NARS2: variants seen among roughly 807,000 people sequenced by gnomAD.
NARS2 encodes the protein asparaginyl-tRNA synthetase 2, mitochondrial.
Under a neutral mutation model 62.9 loss-of-function variants are expected in NARS2, and 60 were observed. The ratio of observed to expected loss-of-function variants is 0.95; its 90% CI spans 0.77 to 1.18. The LOEUF is 1.18. Among genes scored for constraint, NARS2 ranks in the 50% most tolerant of loss-of-function variants. The probability of loss-of-function intolerance (pLI) is 0.00; values close to 1 mark genes in which losing one functional copy is unlikely to be tolerated. For synonymous variants in NARS2, 196 were observed against 200.0 expected (o/e 0.98, Z 0.17); for missense variants, 619 against 576.4 (o/e 1.07, Z -0.76).
chr11:78,455,355 T>A (rs1433469503), intron 11 of NARS2, among the ~76,000 whole-genome samples: 1 of 152,238 alleles, frequency 6.6e-6, no homozygotes, highest in African/African-American at 2.4e-5. Flanking sequence ...AAACCTGTGA[T>A]GATACAAGTG....
chr11:78,551,679 C>T (rs565478897), intron 5 of NARS2, among the ~76,000 whole-genome samples: 17 of 152,034 alleles, frequency 1.1e-4, no homozygotes, highest in African/African-American at 3.9e-4. Context: ...GGTGAAATCC[C>T]GTCTCTACTA....
chr11:78,573,652 G>A (rs1388803192), intron 1 of NARS2: 2 of 152,250 alleles, frequency 1.3e-5, no homozygotes, highest in African/African-American at 4.8e-5. Flanking sequence ...ATCAGCAAGA[G>A]AAACAATAGC....
chr11:78,437,510 C>A (rs1319097105), intron 13 of NARS2, among the ~76,000 whole-genome samples: 1 of 152,180 alleles, frequency 6.6e-6, no homozygotes, highest in African/African-American at 2.4e-5. Flanking sequence ...CACGCACATT[C>A]TTTTCCCACT....
intron 5 of NARS2, among the ~76,000 whole-genome samples, chr11:78,552,443 G>A (rs1345603218): frequency 1.3e-5 from 2 of 152,114 alleles, no homozygotes; most frequent in Non-Finnish European, 2.9e-5. Flanking sequence ...GAACAGTGAG[G>A]CAATGAACAT....
intron 11 of NARS2, among the ~76,000 whole-genome samples, chr11:78,461,885 A>T (rs1168490204): frequency 6.6e-6 from 1 of 152,094 alleles, no homozygotes; most frequent in Non-Finnish European, 1.5e-5. Context: ...CCCGGGAGAC[A>T]GAGGGTGCAA....
chr11:78,562,857 CCCA>C (rs1856601005), intron 4 of NARS2, among the ~76,000 whole-genome samples: 1 of 152,138 alleles, frequency 6.6e-6, no homozygotes, highest in Non-Finnish European at 1.5e-5. Context: ...CCATTTTTCC[CCCA>C]CATTTCTATA....
intron 5 of NARS2, among the ~76,000 whole-genome samples, chr11:78,536,529 C>G (rs1447147570): frequency 6.6e-6 from 1 of 150,836 alleles, no homozygotes; most frequent in South Asian, 2.1e-4. Context: ...TAGTTTTTAA[C>G]AAAAATGTAT....
chr11:78,536,358 A>G (rs774043287), intron 5 of NARS2, among the ~76,000 whole-genome samples: 4 of 152,236 alleles, frequency 2.6e-5, no homozygotes, highest in Non-Finnish European at 5.9e-5. Flanking sequence ...GAGGTATTCT[A>G]GAAGAAGGCA....
intron 11 of NARS2, among the ~76,000 whole-genome samples, chr11:78,444,280 T>C (rs76960556): frequency 0.012 from 1,820 of 152,304 alleles, 25 homozygotes; most frequent in African/African-American, 0.042. Context: ...AAGGTGTGTA[T>C]ATTTTTGTCT....
chr11:78,521,517 G>A (rs56027942), intron 6 of NARS2, among the ~76,000 whole-genome samples: 14,905 of 151,936 alleles, frequency 0.098, 2,354 homozygotes, highest in African/African-American at 0.33. Flanking sequence ...GGGGCCGGGC[G>A]CGGTGGCTCA....
intron 5 of NARS2, among the ~76,000 whole-genome samples, chr11:78,535,722 C>G (rs74789212): frequency 6.6e-6 from 1 of 151,964 alleles, no homozygotes; most frequent in South Asian, 2.1e-4. Flanking sequence ...CTCTGCCCCG[C>G]CAGGTTCAAG....
intron 11 of NARS2, among the ~76,000 whole-genome samples, chr11:78,462,401 A>G (rs1858435324): frequency 6.6e-6 from 1 of 152,232 alleles, no homozygotes; most frequent in South Asian, 2.1e-4. Context: ...TACATCAATT[A>G]TGTTGCTCAC....
rs557545556 is a variant in NARS2 at position 78,486,204 on chromosome 11, T to C, written c.822+6859A>G. ...ATTTTTTTTTAAATATTTTCTCTTG[T>C]CAGTTAGACCCAATGGTGGCCACAG... On this transcript the variant is annotated intron_variant, in intron 7 of 13. Transcript: ENST00000281038. 2.4e-3 allele frequency among the ~76,000 whole-genome samples: 364 copies of C among 152,162 alleles called. 2 individuals are homozygous for C. Among genetic ancestry groups the C allele is most frequent in the African/African-American group, 8.4e-3 (348 of 41,538 alleles).
intron 6 of NARS2, among the ~76,000 whole-genome samples, chr11:78,525,226 T>G (rs1004291469): frequency 1.3e-5 from 2 of 152,146 alleles, no homozygotes; most frequent in Non-Finnish European, 2.9e-5. Flanking sequence ...GTATGTCATC[T>G]GTCCAAAAGC....
intron 6 of NARS2, among the ~76,000 whole-genome samples, chr11:78,517,835 T>A (rs953768887): frequency 6.6e-6 from 1 of 152,244 alleles, no homozygotes; most frequent in Non-Finnish European, 1.5e-5. Flanking sequence ...TCCTCATTTA[T>A]ACCGATAGTC....
intron 6 of NARS2, among the ~76,000 whole-genome samples, chr11:78,523,822 G>A (rs1178714038): frequency 6.6e-6 from 1 of 152,110 alleles, no homozygotes; most frequent in Non-Finnish European, 1.5e-5. Flanking sequence ...GCAAAGAAGA[G>A]GATAGGGAGT....
chr11:78,544,968 A>G (rs906006541), intron 5 of NARS2, among the ~76,000 whole-genome samples: 8 of 152,108 alleles, frequency 5.3e-5, no homozygotes, highest in Admixed American at 1.3e-4. Flanking sequence ...CATCACAAAT[A>G]GCAAACTGTT....
At chr11:78,458,902 G>A (rs1459108249) in intron 11 of NARS2, among the ~76,000 whole-genome samples, 2 of 151,686 alleles carry the variant, frequency 1.3e-5, no homozygotes, top group Non-Finnish European at 2.9e-5. Context: ...AGATCTGATG[G>A]TGGGTTTTTT....
chr11:78,494,646 C>A (rs1326590493), intron 6 of NARS2, among the ~76,000 whole-genome samples: 3 of 151,904 alleles, frequency 2.0e-5, no homozygotes, highest in African/African-American at 7.3e-5. Flanking sequence ...GATCTGCTAA[C>A]CTGAGAACCT....
Sources: allele counts gnomAD v4.1 joint callset (sites outside exome capture counted in the v4.1 genomes callset), GRCh38; gene constraint gnomAD v4.1.1; transcripts MANE v1.5; gene names NCBI Gene and HGNC (gene_info 2026-07-23, HGNC 2026-07-21).